The following TAFA1 variants were observed in gnomAD, a reference collection of about 807,000 sequenced individuals.
The protein encoded by TAFA1 is TAFA chemokine like family member 1.
TAFA1 carries 4 observed loss-of-function variants against 18.5 expected under a neutral mutation model. That is an observed-to-expected ratio of 0.22 (90% CI 0.11 to 0.49). The LOEUF (loss-of-function observed/expected upper bound fraction) is 0.49, where lower values mean the gene tolerates loss of function less well. Ranked by LOEUF, TAFA1 falls within the 20% of genes least tolerant of loss-of-function variation. The pLI, the probability that TAFA1 is intolerant of heterozygous loss-of-function variation, is 0.98. For missense variants in TAFA1, 147 were observed against 169.0 expected (o/e 0.87, Z 0.72); for synonymous variants, 56 against 55.2 (o/e 1.01, Z -0.06).
chr3:68,434,077 T>C (rs2071228764), intron 3 of TAFA1, among the ~76,000 whole-genome samples: 1 of 152,260 alleles, frequency 6.6e-6, no homozygotes, highest in Admixed American at 6.5e-5. Context: ...GTGGAACCAG[T>C]CAAAAACCTG....
At chr3:68,168,202 C>A (rs1230517213) in intron 2 of TAFA1, among the ~76,000 whole-genome samples, 2 of 149,702 alleles carry the variant, frequency 1.3e-5, no homozygotes, top group Non-Finnish European at 1.5e-5. Context: ...TCACAGGAAC[C>A]ACTATCTCTT....
chr3:68,217,648 G>A (rs531829947), intron 2 of TAFA1, among the ~76,000 whole-genome samples: 5 of 152,136 alleles, frequency 3.3e-5, no homozygotes, highest in Admixed American at 3.3e-4. Context: ...TAATAATAGA[G>A]GAAACTGCTG....
chr3:68,179,127 C>T (rs2066164019), intron 2 of TAFA1, among the ~76,000 whole-genome samples: 1 of 152,166 alleles, frequency 6.6e-6, no homozygotes, highest in Non-Finnish European at 1.5e-5. Context: ...TATTTTGAAA[C>T]ACACATCATC....
intron 2 of TAFA1, among the ~76,000 whole-genome samples, chr3:68,234,786 T>C (rs1251061561): frequency 6.6e-6 from 1 of 152,208 alleles, no homozygotes; most frequent in African/African-American, 2.4e-5. Context: ...GCTGTAAATA[T>C]ACATAGATTT....
At chr3:68,150,333 A>T (rs1016047624) in intron 2 of TAFA1, among the ~76,000 whole-genome samples, 1 of 152,180 alleles carries the variant, frequency 6.6e-6, no homozygotes, top group Non-Finnish European at 1.5e-5. Flanking sequence ...AAATAAATGC[A>T]TCTCAAGGAG....
At chr3:68,375,923 A>G (rs988089831) in intron 2 of TAFA1, among the ~76,000 whole-genome samples, 2 of 152,186 alleles carry the variant, frequency 1.3e-5, no homozygotes, top group African/African-American at 4.8e-5. Flanking sequence ...AGAAGCAGCC[A>G]AAGTATTTAT....
At chr3:68,383,854 A>T (rs1344469298) in intron 2 of TAFA1, among the ~76,000 whole-genome samples, 1 of 152,024 alleles carries the variant, frequency 6.6e-6, no homozygotes, top group Non-Finnish European at 1.5e-5. Flanking sequence ...TTTAATTCAG[A>T]GCTCATTATT....
intron 2 of TAFA1, among the ~76,000 whole-genome samples, chr3:68,287,917 G>C (rs1457831119): frequency 1.6e-5 from 2 of 127,734 alleles, no homozygotes; most frequent in East Asian, 2.6e-4. Context: ...TGGGGGGTGG[G>C]GGGGCTTTTT....
At chr3:68,197,573 T>TC (rs35735005) in intron 2 of TAFA1, among the ~76,000 whole-genome samples, 2 of 99,036 alleles carry the variant, frequency 2.0e-5, no homozygotes, top group Non-Finnish European at 4.7e-5. Flanking sequence ...TGTCAATGCC[T>TC]TTTTTTTTTA....
intron 2 of TAFA1, among the ~76,000 whole-genome samples, chr3:68,134,704 A>G (rs545601622): frequency 3.9e-5 from 6 of 152,280 alleles, no homozygotes; most frequent in Admixed American, 3.9e-4. Flanking sequence ...TATCGACTCC[A>G]TGCTATTTGT....
At chr3:68,405,739 A>T (rs1027434377) in intron 2 of TAFA1, among the ~76,000 whole-genome samples, 9 of 131,606 alleles carry the variant, frequency 6.8e-5, no homozygotes, top group African/African-American at 2.6e-4. Flanking sequence ...AAAAAAAAAA[A>T]AGACTAGACA....
intron 2 of TAFA1, among the ~76,000 whole-genome samples, chr3:68,254,141 C>G (rs60957346): frequency 0.15 from 14,939 of 102,726 alleles, 1,197 homozygotes; most frequent in African/African-American, 0.32. Flanking sequence ...ATGTATCTAT[C>G]TATCTATCTA....
At chr3:68,339,752 C>T (rs2106750150) in intron 2 of TAFA1, among the ~76,000 whole-genome samples, 1 of 152,138 alleles carries the variant, frequency 6.6e-6, no homozygotes, top group Admixed American at 6.5e-5. Context: ...TTTTCCCCAC[C>T]TCTTTGCAAA....
intron 2 of TAFA1, among the ~76,000 whole-genome samples, chr3:68,070,867 T>A (rs2064745849): frequency 6.6e-6 from 1 of 152,236 alleles, no homozygotes; most frequent in Admixed American, 6.5e-5. Context: ...CCACAAGTTC[T>A]TCATTTCCAT....
chr3:68,539,028 C>T (rs1341910640), intron 4 of TAFA1, 148 bp downstream of exon 4: 3 of 774,146 alleles, frequency 3.9e-6, no homozygotes, highest in African/African-American at 1.8e-5. Flanking sequence ...GATCAGTGTC[C>T]ATCCGTGAAT....
chr3:68,188,205 T>A (rs1250395353), intron 2 of TAFA1, among the ~76,000 whole-genome samples: 2 of 151,888 alleles, frequency 1.3e-5, no homozygotes, highest in African/African-American at 4.8e-5. Context: ...GCATTTTGTT[T>A]AGGAAATTCT....
intron 2 of TAFA1, among the ~76,000 whole-genome samples, chr3:68,407,212 T>A: frequency 6.6e-6 from 1 of 152,104 alleles, no homozygotes; most frequent in East Asian, 1.9e-4. Context: ...AGATGATAAT[T>A]TCAATAGTAT....
chr3:68,519,855 T>C (rs2072991065), intron 3 of TAFA1, among the ~76,000 whole-genome samples: 1 of 152,188 alleles, frequency 6.6e-6, no homozygotes, highest in East Asian at 1.9e-4. Flanking sequence ...ATGTTGCAGG[T>C]TAGGATTTCA....
At chr3:68,023,231 C>T (rs1211864209) in intron 2 of TAFA1, among the ~76,000 whole-genome samples, 1 of 152,048 alleles carries the variant, frequency 6.6e-6, no homozygotes, top group Non-Finnish European at 1.5e-5. Flanking sequence ...CAATCAGCCC[C>T]ATATCTTTAT....
Sources: gnomAD v4.1 joint callset for allele counts (sites outside exome capture counted in the v4.1 genomes callset) on GRCh38, gnomAD v4.1.1 for gene constraint, MANE v1.5 for transcripts, NCBI Gene and HGNC (gene_info 2026-07-23, HGNC 2026-07-21) for gene names.